The following PDGFRB variants were observed in gnomAD, a reference collection of about 807,000 sequenced individuals.
PDGFRB encodes the protein platelet-derived growth factor receptor beta.
A neutral mutation model predicts 120.2 loss-of-function variants in PDGFRB; 42 were observed. The observed-to-expected ratio is 0.35, with a 90% CI of 0.27 to 0.45. The LOEUF (loss-of-function observed/expected upper bound fraction) is 0.45, where lower values mean the gene tolerates loss of function less well. Among genes scored for constraint, PDGFRB ranks in the 20% least tolerant of loss-of-function variants. PDGFRB has a pLI of 1.00. For synonymous variants in PDGFRB, 586 were observed against 606.8 expected, an observed-to-expected ratio of 0.97 and a Z score of 0.50; for missense variants, 1,149 against 1,476.3, an observed-to-expected ratio of 0.78 and a Z score of 3.63.
At chr5:150,150,424 TC>T (rs771141703) in intron 1 of PDGFRB, among the ~76,000 whole-genome samples, 15 of 152,116 alleles carry the variant, frequency 9.9e-5, no homozygotes, top group South Asian at 4.2e-4. Flanking sequence ...GACAGCCCTC[TC>T]CATCACAGGG....
intron 11 of PDGFRB, 127 bp downstream of exon 11, chr5:150,126,393 C>T: frequency 1.5e-6 from 1 of 684,050 alleles, no homozygotes; most frequent in Non-Finnish European, 2.7e-6. Flanking sequence ...CACAAGTCCC[C>T]ACCTGAGTTC....
chr5:150,121,569 C>G lies in PDGFRB; in HGVS notation c.2345-247G>C, dbSNP rs1760135265. On this transcript the variant is annotated intron_variant, in intron 16 of 22. Coordinates refer to ENST00000261799, the MANE Select transcript of PDGFRB (RefSeq NM_002609.4). The surrounding 1 kb of genome is among the most constrained non-coding windows in gnomAD (Gnocchi z 4.1). ...CCCAGCCTGGCCTGCCTGCCTGCCT[C>G]TCAGGGACACTAGACCAGCCTGGGG... Among the ~76,000 whole-genome samples the G allele has an allele frequency of 6.6e-6, 1 of 152,046 alleles. No individual in the cohort carries two copies. The highest frequency in any genetic ancestry group is 6.5e-5 in the Admixed American group (1 of 15,282).
chr5:150,117,427 C>A (rs937225597), intron 22 of PDGFRB, among the ~76,000 whole-genome samples, 191 bp downstream of exon 22: 1 of 152,212 alleles, frequency 6.6e-6, no homozygotes, highest in African/African-American at 2.4e-5. Flanking sequence ...GCCCTTTCCA[C>A]CTCAGGGCAT....
intron 8 of PDGFRB, 151 bp downstream of exon 8, chr5:150,131,828 C>T (rs539908971): frequency 1.5e-5 from 8 of 549,958 alleles, no homozygotes; most frequent in South Asian, 4.6e-5. Context: ...CAGGTTCACA[C>T]GGCAGTGGGT....
intron 3 of PDGFRB, 57 bp downstream of exon 3, chr5:150,135,498 G>T: frequency 9.2e-7 from 1 of 1,086,618 alleles, no homozygotes; most frequent in South Asian, 1.5e-5. Flanking sequence ...GACTTCCCCT[G>T]ATGCCTCCAG....
intron 21 of PDGFRB, 109 bp from the exon 22 acceptor site, chr5:150,117,959 T>G: frequency 1.5e-6 from 1 of 653,968 alleles, no homozygotes; most frequent in Non-Finnish European, 2.7e-6. Context: ...AGACCCCCGC[T>G]GCTCAGAGGG....
At chr5:150,145,189 T>C (rs964825548) in intron 1 of PDGFRB, among the ~76,000 whole-genome samples, 1 of 152,266 alleles carries the variant, frequency 6.6e-6, no homozygotes, top group Non-Finnish European at 1.5e-5. Context: ...TTCCACTTAA[T>C]ATAAACTGAA....
Position 150,120,828 on chromosome 5 carries a change from A to C in PDGFRB, c.2586+60T>G. 6.5e-7 allele frequency: 1 copy of C among 1,538,100 alleles called. No individual in the cohort carries two copies. The highest frequency in any genetic ancestry group is 9.0e-7 in the Non-Finnish European group (1 of 1,113,072). On this transcript the variant is annotated intron_variant, in intron 18 of 22. Transcript: ENST00000261799. This position sits in a 1 kb window ranked among gnomAD's most constrained non-coding sequence, Gnocchi z 4.3. ...CTGCAGCCACACTGGTCAGGAGGGA[A>C]TCTGTTCCTGCGGTCACAGGCACTG...
In PDGFRB at chr5:150,141,581, A is replaced by C. The variant is rs553218042; in HGVS notation, c.-6-4528T>G. ...CACCAGCTCCACCGCTTCTCTGACC[A>C]ACGTGCATGTTTGGTTGGGTCTGGG... On this transcript the variant is annotated intron_variant, in intron 1 of 22. Coordinates refer to ENST00000261799, the MANE Select transcript of PDGFRB (RefSeq NM_002609.4). Among the ~76,000 whole-genome samples the C allele has an allele frequency of 2.5e-3, 380 of 152,346 alleles. 1 individual carries two copies. Among genetic ancestry groups the C allele is most frequent in the Non-Finnish European group, 3.9e-3 (265 of 68,028 alleles).
intron 1 of PDGFRB, among the ~76,000 whole-genome samples, chr5:150,142,310 C>A (rs889164518): frequency 1.3e-5 from 2 of 152,212 alleles, no homozygotes; most frequent in Non-Finnish European, 2.9e-5. Context: ...GCTCAAGGCC[C>A]CAGGCTTCAG....
intron 1 of PDGFRB, among the ~76,000 whole-genome samples, chr5:150,145,762 G>A (rs1760904971): frequency 6.6e-6 from 1 of 152,146 alleles, no homozygotes; most frequent in Non-Finnish European, 1.5e-5. Flanking sequence ...TTAGCCAGGC[G>A]TGGTGGAGGG....
intron 20 of PDGFRB, 31 bp from the exon 21 acceptor site, chr5:150,118,883 G>C: frequency 1.4e-6 from 2 of 1,405,686 alleles, no homozygotes. Flanking sequence ...CAGGGCCTCT[G>C]GCCCAGGGTT....
At chr5:150,131,351 G>A (rs1431601730) in intron 8 of PDGFRB, among the ~76,000 whole-genome samples, 1 of 152,080 alleles carries the variant, frequency 6.6e-6, no homozygotes, top group Non-Finnish European at 1.5e-5. Context: ...CACTGCCCGA[G>A]GTACCCTTTC....
chr5:150,148,708 G>A (rs1760990961), intron 1 of PDGFRB, among the ~76,000 whole-genome samples: 1 of 152,240 alleles, frequency 6.6e-6, no homozygotes, highest in Non-Finnish European at 1.5e-5. Flanking sequence ...GAGGGCCAGA[G>A]ATGATGACGC....
chr5:150,145,617 C>G (rs940988723), intron 1 of PDGFRB, among the ~76,000 whole-genome samples: 18 of 152,250 alleles, frequency 1.2e-4, no homozygotes, highest in African/African-American at 3.9e-4. Flanking sequence ...ACTGGGCAGA[C>G]AGGCTCCAGA....
In PDGFRB at chr5:150,155,453, C is replaced by T. The variant is rs1463601632; in HGVS notation, c.-63G>A. On this transcript the variant is annotated 5_prime_UTR_variant, in exon 1 of 23. Coordinates refer to ENST00000261799, the MANE Select transcript of PDGFRB (RefSeq NM_002609.4). ...GTTCCAGGCTCTGGACAGTCACCCC[C>T]TCCAGGAAGTCCTCCTTACTGCCCT... is the stretch of plus-strand genomic sequence containing the variant. The T allele has an allele frequency of 5.0e-6, 2 of 397,394 alleles. No individual in the cohort carries two copies. The highest frequency in any genetic ancestry group is 4.1e-5 in the African/African-American group (2 of 48,578). The allele number at this position is 397,394 out of a possible 1,614,324, so 24.6% of individuals were successfully genotyped here. A position where few individuals can be genotyped will look rare whatever the true frequency, so the allele number is the denominator to read the frequency against.
At chr5:150,149,168 G>A (rs1055601854) in intron 1 of PDGFRB, among the ~76,000 whole-genome samples, 3 of 152,204 alleles carry the variant, frequency 2.0e-5, no homozygotes, top group African/African-American at 4.8e-5. Context: ...GGGCCTCCAT[G>A]CAGGAGGATG....
intron 1 of PDGFRB, among the ~76,000 whole-genome samples, chr5:150,143,246 G>A (rs951964216): frequency 6.6e-6 from 1 of 152,236 alleles, no homozygotes; most frequent in Non-Finnish European, 1.5e-5. Flanking sequence ...GACCACAGTT[G>A]ATCTGGGGTA....
Position 150,135,619 on chromosome 5 carries a change from G to A in PDGFRB, c.300C>T (p.Cys100=), listed in dbSNP as rs2113912178. Residue 100 remains cysteine (C), a synonymous_variant, in exon 3 of 23, where the codon TGC becomes TGT. Transcript: ENST00000261799. ...LTGLDTGEYF[C]THNDSRGLET... is the part of the protein sequence containing the mutation. ...CCAGTCCACGGGAGTCATTGTGGGTGCAAAAGTATTCTCCCGTGTCTAGCC... is the reference window on the plus strand; with the variant it reads ...CCAGTCCACGGGAGTCATTGTGGGTACAAAAGTATTCTCCCGTGTCTAGCC... 10 of 1,613,754 alleles carry A rather than the reference G, an allele frequency of 6.2e-6. No individual in the cohort carries two copies. The highest frequency in any genetic ancestry group is 8.5e-6 in the Non-Finnish European group (10 of 1,179,652).
Sources: gnomAD v4.1 joint callset for allele counts (sites outside exome capture counted in the v4.1 genomes callset) on GRCh38, gnomAD v4.1.1 for gene constraint, Gnocchi (gnomAD v3.1) non-coding constraint, MANE v1.5 for transcripts, NCBI Gene and HGNC (gene_info 2026-07-23, HGNC 2026-07-21) for gene names.